The following TOMM70 variants were observed in gnomAD, a reference collection of about 807,000 sequenced individuals.
TOMM70 encodes the protein mitochondrial import receptor subunit TOM70.
A neutral mutation model predicts 73.6 loss-of-function variants in TOMM70; 13 were observed. The ratio of observed to expected loss-of-function variants is 0.18; its 90% CI spans 0.11 to 0.28. The LOEUF (loss-of-function observed/expected upper bound fraction) is 0.28. Ranked by LOEUF, TOMM70 falls within the 10% of genes least tolerant of loss-of-function variation. TOMM70 has a pLI of 1.00. For missense variants in TOMM70, 609 were observed against 747.5 expected (o/e 0.81, Z 2.16); for synonymous variants, 257 against 271.2 (o/e 0.95, Z 0.51).
intron 11 of TOMM70, among the ~76,000 whole-genome samples, chr3:100,367,592 A>T (rs1268187518): frequency 1.3e-5 from 2 of 152,230 alleles, no homozygotes; most frequent in African/African-American, 4.8e-5. Flanking sequence ...AAAGTTTAAT[A>T]CTTGGCCTAA....
intron 1 of TOMM70, 43 bp downstream of exon 1, chr3:100,400,583 C>T: frequency 6.3e-7 from 1 of 1,586,544 alleles, no homozygotes. Flanking sequence ...GGAAAAGCTG[C>T]ACGAGCCAGT....
chr3:100,391,290 A>G (rs952491391), intron 1 of TOMM70, among the ~76,000 whole-genome samples: 6 of 152,178 alleles, frequency 3.9e-5, no homozygotes, highest in Non-Finnish European at 8.8e-5. Context: ...AAAGTTAACT[A>G]TAAAATAGCC....
intron 5 of TOMM70, among the ~76,000 whole-genome samples, chr3:100,381,157 A>G (rs2148891657): frequency 6.6e-6 from 1 of 152,316 alleles, no homozygotes; most frequent in Admixed American, 6.5e-5. Context: ...GAAGCCCTCC[A>G]AATGGGCATC....
At chr3:100,384,655 G>A (rs764189760) in intron 3 of TOMM70, 67 bp from the exon 4 acceptor site, 19 of 1,150,868 alleles carry the variant, frequency 1.7e-5, no homozygotes, top group Non-Finnish European at 2.1e-5. Flanking sequence ...AGCATCAAAT[G>A]GGTACAATGT....
In TOMM70 at chr3:100,375,148, C is replaced by A; in HGVS notation, c.1097G>T (p.Arg366Leu). The change falls in exon 7 of 12, where the codon CGA becomes CTA. Residue 366 changes from arginine to leucine, a missense_variant. Physicochemically the swap from Arg to Leu is moderately radical, Grantham distance 102 (BLOSUM62 -2). Coordinates refer to ENST00000284320, the MANE Select transcript of TOMM70 (RefSeq NM_014820.5). ...ISLKEANVKL[R>L]ANALIKRGSM... ...GCCTCTTTTGATGAGAGCATTTGCT[C>A]GAAGCTATATACCCCAAGTGAGGAA... 1 of 1,595,482 alleles carries A rather than the reference C, an allele frequency of 6.3e-7. No homozygotes were observed. Among genetic ancestry groups the A allele is most frequent in the East Asian group, 2.3e-5 (1 of 43,812 alleles).
At chr3:100,372,269 A>G (rs1302519707) in intron 9 of TOMM70, 5 of 196,420 alleles carry the variant, frequency 2.5e-5, no homozygotes, top group Admixed American at 5.9e-5. Context: ...CCAGATAGAA[A>G]GAAAAGCCTT....
intron 2 of TOMM70, 25 bp downstream of exon 2, chr3:100,386,766 GAAAGAAAAGGAACA>G (rs769517443): frequency 6.3e-7 from 1 of 1,580,794 alleles, no homozygotes; most frequent in Non-Finnish European, 8.5e-7. Flanking sequence ...CAAATAAAGA[GAAAGAAAAGGAACA>G]GAAGAAACAA....
Position 100,400,975 on chromosome 3 carries a change from C to T in TOMM70, c.-26G>A, listed in dbSNP as rs6786662. ...GACAAGTGTCCTCTGCCACCGCCTC[C>T]CTGTCTGTCGCGAGCGCCACAATCA... On this transcript the variant is annotated 5_prime_UTR_variant, in exon 1 of 12. Coordinates refer to ENST00000284320, the MANE Select transcript of TOMM70 (RefSeq NM_014820.5). 59,582 of 1,525,356 alleles carry T rather than the reference C, an allele frequency of 0.039. 1,403 individuals carry two copies. The highest frequency in any genetic ancestry group is 0.046 in the Non-Finnish European group (52,400 of 1,141,978). The allele number at this position is 1,525,356 out of a possible 1,614,324, so 94.5% of individuals were successfully genotyped here. A position where few individuals can be genotyped will look rare whatever the true frequency, so the allele number is the denominator to read the frequency against.
At chr3:100,379,430 C>A (rs1706604887) in intron 5 of TOMM70, among the ~76,000 whole-genome samples, 1 of 151,882 alleles carries the variant, frequency 6.6e-6, no homozygotes, top group South Asian at 2.1e-4. Flanking sequence ...TCAAGACCAG[C>A]CGGGGAAACA....
intron 4 of TOMM70, among the ~76,000 whole-genome samples, chr3:100,384,265 A>G (rs1469180076): frequency 1.3e-5 from 2 of 152,258 alleles, no homozygotes; most frequent in Non-Finnish European, 2.9e-5. Flanking sequence ...GATGAATTCC[A>G]ATATTCTCCA....
chr3:100,378,036 GGCA>G, intron 5 of TOMM70, 124 bp from the exon 6 acceptor site: 1 of 730,808 alleles, frequency 1.4e-6, no homozygotes, highest in Non-Finnish European at 2.2e-6. Context: ...CACGAGGTCA[GGCA>G]TTCGAGACCA....
At chr3:100,386,120 C>T (rs1209512969) in intron 3 of TOMM70, 98 bp downstream of exon 3, 13 of 1,372,576 alleles carry the variant, frequency 9.5e-6, no homozygotes, top group East Asian at 2.3e-5. Context: ...CTTTTAAAAA[C>T]AACTGATTCT....
At chr3:100,379,575 C>A (rs1485846913) in intron 5 of TOMM70, among the ~76,000 whole-genome samples, 1 of 152,184 alleles carries the variant, frequency 6.6e-6, no homozygotes, top group Non-Finnish European at 1.5e-5. Flanking sequence ...CTGTAGTGAG[C>A]TATGATCGCA....
chr3:100,394,365 CTT>C (rs57366969), intron 1 of TOMM70, among the ~76,000 whole-genome samples: 15 of 131,372 alleles, frequency 1.1e-4, no homozygotes, highest in African/African-American at 1.2e-4. Flanking sequence ...GTTACTTTTT[CTT>C]TTTTTTTTTT....
chr3:100,378,803 G>A (rs1221859220), intron 5 of TOMM70, among the ~76,000 whole-genome samples: 5 of 152,084 alleles, frequency 3.3e-5, no homozygotes, highest in East Asian at 3.9e-4. Flanking sequence ...TCAGGAGATC[G>A]AGACCATCCT....
rs140758497 is a variant in TOMM70 at position 100,368,575 on chromosome 3, C to A, written c.1551-409G>T. 2.2e-3 allele frequency among the ~76,000 whole-genome samples: 328 copies of A among 152,120 alleles called. 2 individuals are homozygous for A. The highest frequency in any genetic ancestry group is 7.5e-3 in the African/African-American group (311 of 41,492). ...CAGAGCAAGAATAGTACATTAATTT[C>A]TTTCTTTTTGTTTTTTTTGGGACAG... On this transcript the variant is annotated intron_variant, in intron 10 of 11. Coordinates refer to ENST00000284320, the MANE Select transcript of TOMM70 (RefSeq NM_014820.5).
intron 4 of TOMM70, among the ~76,000 whole-genome samples, chr3:100,382,910 A>G (rs1485894097): frequency 1.3e-5 from 2 of 152,222 alleles, no homozygotes; most frequent in African/African-American, 4.8e-5. Flanking sequence ...CTAAAATGGC[A>G]ATAGAAATAT....
chr3:100,369,025 C>CAA lies in TOMM70; in HGVS notation c.1550+11_1550+12dup. 6.4e-7 allele frequency: 1 copy of CAA among 1,567,724 alleles called. No homozygotes were observed. The highest frequency in any genetic ancestry group is 8.7e-7 in the Non-Finnish European group (1 of 1,146,402). On this transcript the variant is annotated intron_variant, in intron 10 of 11. Coordinates refer to ENST00000284320, the MANE Select transcript of TOMM70 (RefSeq NM_014820.5). Reference sequence around the variant, plus strand: ...ATTTATTATCTCATTGGAACAATCACAAAAATACATACCCTTTATGAACAT... The same window carrying CAA: ...ATTTATTATCTCATTGGAACAATCACAAAAAAATACATACCCTTTATGAACAT...
intron 1 of TOMM70, among the ~76,000 whole-genome samples, chr3:100,393,378 A>G (rs1056315940): frequency 7.9e-5 from 12 of 152,184 alleles, no homozygotes; most frequent in Admixed American, 7.9e-4. Context: ...TCTCACTTAT[A>G]AGTGGGAGCT....
Sources: gnomAD v4.1 joint callset for allele counts (sites outside exome capture counted in the v4.1 genomes callset) on GRCh38, gnomAD v4.1.1 for gene constraint, MANE v1.5 for transcripts, NCBI Gene and HGNC (gene_info 2026-07-23, HGNC 2026-07-21) for gene names.